The following UHRF2 variants were observed in gnomAD, a reference collection of about 807,000 sequenced individuals.
UHRF2 encodes the protein E3 ubiquitin-protein ligase UHRF2.
Under a neutral mutation model 96.8 loss-of-function variants are expected in UHRF2, and 23 were observed. The ratio of observed to expected loss-of-function variants is 0.24; its 90% CI spans 0.17 to 0.34. The LOEUF (loss-of-function observed/expected upper bound fraction) is 0.34. Among genes scored for constraint, UHRF2 ranks in the 10% least tolerant of loss-of-function variants. The probability of loss-of-function intolerance (pLI) is 1.00; values close to 1 mark genes in which losing one functional copy is unlikely to be tolerated. For missense variants in UHRF2, 685 were observed against 981.5 expected, an observed-to-expected ratio of 0.70 and a Z score of 4.04; for synonymous variants, 385 against 332.6, an observed-to-expected ratio of 1.16 and a Z score of -1.72.
intron 13 of UHRF2, 148 bp downstream of exon 13, chr9:6,500,079 C>G: frequency 3.4e-6 from 2 of 588,822 alleles, no homozygotes; most frequent in South Asian, 3.9e-5. Context: ...CTCAAGCGAT[C>G]CACCTACCTC....
At chr9:6,413,712 G>A in intron 1 of UHRF2, 69 bp downstream of exon 1, 4 of 1,399,450 alleles carry the variant, frequency 2.9e-6, no homozygotes, top group Non-Finnish European at 3.7e-6. Context: ...TGGACGCACC[G>A]GTCCGAGGGC....
chr9:6,473,559 A>G (rs1051814064), intron 4 of UHRF2, among the ~76,000 whole-genome samples: 2 of 152,200 alleles, frequency 1.3e-5, no homozygotes, highest in African/African-American at 4.8e-5. Context: ...AGATAAATAA[A>G]TAGGTACTTC....
At chr9:6,502,444 C>T (rs563406571) in intron 14 of UHRF2, among the ~76,000 whole-genome samples, 2 of 152,196 alleles carry the variant, frequency 1.3e-5, no homozygotes, top group Admixed American at 1.3e-4. Context: ...AAAATGGCAA[C>T]TCTTTAAAAT....
intron 3 of UHRF2, among the ~76,000 whole-genome samples, chr9:6,455,333 C>T (rs759148547): frequency 3.3e-5 from 5 of 152,150 alleles, no homozygotes; most frequent in African/African-American, 4.8e-5. Context: ...GTTCCCCTTC[C>T]TGTGTCCAAG....
chr9:6,451,444 G>T (rs533744830), intron 3 of UHRF2, among the ~76,000 whole-genome samples: 1 of 148,060 alleles, frequency 6.8e-6, no homozygotes, highest in East Asian at 2.0e-4. Flanking sequence ...CTTCTATCTT[G>T]TTTCTTACCT....
chr9:6,445,251 G>C (rs1196425356), intron 3 of UHRF2, among the ~76,000 whole-genome samples: 1 of 148,742 alleles, frequency 6.7e-6, no homozygotes, highest in Non-Finnish European at 1.5e-5. Context: ...ATAACTATTT[G>C]ACCTGTGTTA....
chr9:6,459,824 T>A (rs1324179654), intron 3 of UHRF2, among the ~76,000 whole-genome samples: 1 of 152,160 alleles, frequency 6.6e-6, no homozygotes, highest in Admixed American at 6.5e-5. Flanking sequence ...GAAAAACATA[T>A]TAGCTGGGTG....
intron 4 of UHRF2, among the ~76,000 whole-genome samples, chr9:6,462,678 G>A (rs1040793982): frequency 7.9e-5 from 12 of 152,112 alleles, no homozygotes; most frequent in African/African-American, 2.9e-4. Flanking sequence ...CAGCACTTTG[G>A]GAGACCAAGG....
chr9:6,446,989 C>T (rs1014671591), intron 3 of UHRF2, among the ~76,000 whole-genome samples: 1 of 152,074 alleles, frequency 6.6e-6, no homozygotes, highest in African/African-American at 2.4e-5. Flanking sequence ...CCCGGGTTCA[C>T]GCCATTCTCT....
intron 1 of UHRF2, among the ~76,000 whole-genome samples, chr9:6,415,773 A>T (rs147545006): frequency 1.2e-4 from 19 of 152,294 alleles, no homozygotes; most frequent in Non-Finnish European, 2.6e-4. Context: ...ATAGATGTTC[A>T]GCTCACCCCA....
intron 4 of UHRF2, among the ~76,000 whole-genome samples, chr9:6,462,535 T>A: frequency 6.6e-6 from 1 of 152,312 alleles, no homozygotes; most frequent in Non-Finnish European, 1.5e-5. Context: ...AGGAGCCTTT[T>A]AACCTACTTG....
At chr9:6,422,975 A>G in intron 2 of UHRF2, 1 of 265,134 alleles carries the variant, frequency 3.8e-6, no homozygotes, top group Non-Finnish European at 7.0e-6. Flanking sequence ...ATTGTGTAGA[A>G]ATAATCGAAT....
chr9:6,421,087 A>C lies in UHRF2; in HGVS notation c.329A>C (p.Gln110Pro). ...KKAPRVGPSN[Q>P]PSTSARARLI... is the part of the protein sequence containing the mutation. ...GCTCCGAGGGTAGGACCTTCCAATC[A>C]GCCATCTACATCAGCTCGTGCCCGT... is the stretch of plus-strand genomic sequence containing the variant. Residue 110 changes from glutamine to proline, a missense_variant, in exon 2 of 16, where the codon CAG becomes CCG. Physicochemically the swap from Gln to Pro is moderately conservative, Grantham distance 76. This residue lies in a region of UHRF2 where 391 missense variants were observed against 437.0 expected (regional missense o/e 0.89). Coordinates refer to ENST00000276893, the MANE Select transcript of UHRF2 (RefSeq NM_152896.3). The C allele has an allele frequency of 1.2e-6, 2 of 1,614,194 alleles. No individual in the cohort carries two copies. Among genetic ancestry groups the C allele is most frequent in the Non-Finnish European group, 1.7e-6 (2 of 1,180,034 alleles).
At chr9:6,468,583 A>G (rs1362783904) in intron 4 of UHRF2, 1 of 456,106 alleles carries the variant, frequency 2.2e-6, no homozygotes, top group Non-Finnish European at 4.4e-6. Flanking sequence ...AGCTAGGAGT[A>G]GGATGGAAAA....
At chr9:6,439,040 A>G (rs954086685) in intron 3 of UHRF2, among the ~76,000 whole-genome samples, 18 of 152,340 alleles carry the variant, frequency 1.2e-4, no homozygotes, top group South Asian at 8.3e-4. Context: ...TATCTCCACT[A>G]TTCCTTCAAA....
intron 3 of UHRF2, among the ~76,000 whole-genome samples, chr9:6,444,760 G>A (rs1357554089): frequency 5.9e-5 from 9 of 152,154 alleles, no homozygotes; most frequent in Admixed American, 2.0e-4. Context: ...CCACTACCAC[G>A]CCTGCCTAAT....
At chr9:6,448,148 C>G (rs1217540512) in intron 3 of UHRF2, among the ~76,000 whole-genome samples, 1 of 152,054 alleles carries the variant, frequency 6.6e-6, no homozygotes, top group Non-Finnish European at 1.5e-5. Flanking sequence ...GACAGAGGCT[C>G]TAGAAGAAAT....
Position 6,477,744 on chromosome 9 carries a change from A to G in UHRF2, c.1096A>G (p.Asn366Asp). 6.2e-7 allele frequency: 1 copy of G among 1,614,064 alleles called. No homozygotes were observed. Among genetic ancestry groups the G allele is most frequent in the Non-Finnish European group, 8.5e-7 (1 of 1,179,938 alleles). Residue 366 changes from asparagine to aspartate, a missense_variant, in exon 6 of 16, where the codon AAT becomes GAT. Around this residue, in one of 6 missense-constraint regions of UHRF2, gnomAD observed 391 missense variants for 437.0 expected, o/e 0.89. Transcript: ENST00000276893. ...CATGCAGCTTCTGTGTGATGAATGTAATGTGGCTTATCATATTTACTGTCT... is the reference window on the plus strand; with the variant it reads ...CATGCAGCTTCTGTGTGATGAATGTGATGTGGCTTATCATATTTACTGTCT... ...PNMQLLCDEC[N>D]VAYHIYCLNP... is the part of the protein sequence containing the mutation.
At chr9:6,504,391 G>T in intron 14 of UHRF2, 1 of 377,688 alleles carries the variant, frequency 2.6e-6, no homozygotes, top group Non-Finnish European at 4.8e-6. Context: ...GATATATTTT[G>T]GGATACATGT....
Sources: gnomAD v4.1 joint callset for allele counts (sites outside exome capture counted in the v4.1 genomes callset) on GRCh38, gnomAD v4.1.1 for gene constraint, gnomAD v4.1.1 regional missense constraint, MANE v1.5 for transcripts, NCBI Gene and HGNC (gene_info 2026-07-23, HGNC 2026-07-21) for gene names.